Variants in TECRL observed in about 807,000 individuals in gnomAD.
TECRL encodes the protein trans-2,3-enoyl-CoA reductase like.
A neutral mutation model predicts 52.8 loss-of-function variants in TECRL; 63 were observed. The observed-to-expected ratio is 1.19, with a 90% CI of 0.97 to 1.47. The LOEUF (loss-of-function observed/expected upper bound fraction) is 1.47, where lower values mean the gene tolerates loss of function less well. Ranked by LOEUF, TECRL falls within the 40% of genes most tolerant of loss-of-function variation. The pLI is 0.00. For missense variants in TECRL, 482 were observed against 429.6 expected, an observed-to-expected ratio of 1.12 and a Z score of -1.08; for synonymous variants, 164 against 141.9, an observed-to-expected ratio of 1.16 and a Z score of -1.10.
chr4:64,405,054 A>G (rs1724614313), intron 1 of TECRL, among the ~76,000 whole-genome samples: 1 of 152,156 alleles, frequency 6.6e-6, no homozygotes. Flanking sequence ...TACTAAGGGT[A>G]GGCCAAATAA....
intron 1 of TECRL, among the ~76,000 whole-genome samples, chr4:64,384,240 GTATTCAGCTGGT>G (rs1723017982): frequency 6.6e-6 from 1 of 152,082 alleles, no homozygotes; most frequent in South Asian, 2.1e-4. Context: ...TACAGTGACA[GTATTCAGCTGGT>G]TAGGCAGGTG....
intron 8 of TECRL, among the ~76,000 whole-genome samples, chr4:64,292,353 A>G: frequency 6.6e-6 from 1 of 151,996 alleles, no homozygotes; most frequent in Middle Eastern, 3.2e-3. Flanking sequence ...AAAAGTTAAA[A>G]TTATCTTACA....
chr4:64,366,208 T>C (rs940249685), intron 2 of TECRL, among the ~76,000 whole-genome samples: 5 of 152,136 alleles, frequency 3.3e-5, no homozygotes, highest in Non-Finnish European at 5.9e-5. Context: ...CTGGGCATCC[T>C]TCTTGCACTA....
chr4:64,295,364 AT>A (rs1723620743), intron 8 of TECRL, among the ~76,000 whole-genome samples: 1 of 27,724 alleles, frequency 3.6e-5, no homozygotes, highest in South Asian at 2.4e-3. Context: ...AAATTTTGAT[AT>A]AGGAGATGTT....
chr4:64,397,898 A>ATGTGTGTGTGTGTGTGTG (rs56714682), intron 1 of TECRL: 10 of 150,192 alleles, frequency 6.7e-5, no homozygotes, highest in African/African-American at 1.9e-4. Context: ...GGAAAGAAAT[A>ATGTGTGTGTGTGTGTGTG]TGTGTGTGTG....
At chr4:64,299,711 G>A (rs1029482151) in intron 8 of TECRL, among the ~76,000 whole-genome samples, 5 of 150,844 alleles carry the variant, frequency 3.3e-5, no homozygotes, top group Admixed American at 6.6e-5. Flanking sequence ...TAGCATCAGT[G>A]AGTATAAATT....
At chr4:64,310,039 AC>A in intron 5 of TECRL, 108 bp from the exon 6 acceptor site, 1 of 594,176 alleles carries the variant, frequency 1.7e-6, no homozygotes, top group Non-Finnish European at 2.9e-6. Context: ...CTATTGGGAA[AC>A]ATTGTTTCTG....
In TECRL at chr4:64,324,012, T is replaced by G. The variant is rs548865757; in HGVS notation, c.332-1220A>C. 4.1e-4 allele frequency among the ~76,000 whole-genome samples: 63 copies of G among 152,240 alleles called. 1 individual carries two copies. The South Asian group carries it at 0.012, about 28-fold the overall frequency. On this transcript the variant is annotated intron_variant, in intron 3 of 11. Transcript: ENST00000381210. ...CCGTGGGGCTTCATGAGATTGTTTG[T>G]GTATTCAGCATGGAAAGAAAGGAAT...
intron 1 of TECRL, among the ~76,000 whole-genome samples, chr4:64,387,599 C>T (rs941998290): frequency 6.6e-6 from 1 of 152,032 alleles, no homozygotes; most frequent in Non-Finnish European, 1.5e-5. Flanking sequence ...TTTGGTTTTT[C>T]TATAAGGTTC....
chr4:64,328,435 A>G (rs1358546305), intron 3 of TECRL, 77 bp downstream of exon 3: 5 of 1,245,366 alleles, frequency 4.0e-6, no homozygotes, highest in Non-Finnish European at 5.8e-6. Flanking sequence ...TTGCAAAGTG[A>G]TAAGTGAATG....
Position 64,346,787 on chromosome 4 carries a change from G to T in TECRL, c.287-18231C>A, listed in dbSNP as rs1720020002. Among the ~76,000 whole-genome samples the T allele has an allele frequency of 2.0e-5, 3 of 152,324 alleles. No homozygotes were observed. In the East Asian group the frequency reaches 5.8e-4, roughly 29 times the overall value. On this transcript the variant is annotated intron_variant, in intron 2 of 11. Transcript: ENST00000381210. ...GTGTGGCTTTCCCTGAACATGAGTGGCCTGGTACTGCAGCACTGGACTGCA... is the reference window on the plus strand; with the variant it reads ...GTGTGGCTTTCCCTGAACATGAGTGTCCTGGTACTGCAGCACTGGACTGCA...
chr4:64,329,497 C>T (rs1007086637), intron 2 of TECRL, among the ~76,000 whole-genome samples: 3 of 151,532 alleles, frequency 2.0e-5, no homozygotes, highest in East Asian at 1.9e-4. Flanking sequence ...AGAGGAAGTT[C>T]GGATGAAAAA....
chr4:64,303,517 A>G (rs1724140040), intron 7 of TECRL, among the ~76,000 whole-genome samples: 1 of 151,738 alleles, frequency 6.6e-6, no homozygotes, highest in Non-Finnish European at 1.5e-5. Context: ...TATCTATGCT[A>G]TAGATTATTT....
In TECRL at chr4:64,375,167, C is replaced by T. The variant is rs1404459111; in HGVS notation, c.286+5G>A. Reference sequence around the variant, plus strand: ...TGTAAATTCTAAATAATATATAAAACTTACATGCTTTGTGAAACTTTTGCT... The same window carrying T: ...TGTAAATTCTAAATAATATATAAAATTTACATGCTTTGTGAAACTTTTGCT... On this transcript the variant is annotated splice_donor_5th_base_variant and intron_variant, in intron 2 of 11. Coordinates refer to ENST00000381210, the MANE Select transcript of TECRL (RefSeq NM_001010874.5). 3.7e-6 allele frequency: 5 copies of T among 1,336,542 alleles called. No homozygotes were observed. The highest frequency in any genetic ancestry group is 5.0e-6 in the Non-Finnish European group (5 of 1,005,428). The allele number at this position is 1,336,542 out of a possible 1,614,324, so 82.8% of individuals were successfully genotyped here. A position where few individuals can be genotyped will look rare whatever the true frequency, so the allele number is the denominator to read the frequency against.
intron 4 of TECRL, among the ~76,000 whole-genome samples, chr4:64,319,091 A>G (rs1012956545): frequency 6.6e-6 from 1 of 151,906 alleles, no homozygotes; most frequent in Admixed American, 6.6e-5. Flanking sequence ...TTAGCATTTA[A>G]TATCTCAAGG....
chr4:64,285,431 G>C (rs1156429326), intron 9 of TECRL, among the ~76,000 whole-genome samples: 1 of 151,920 alleles, frequency 6.6e-6, no homozygotes, highest in Non-Finnish European at 1.5e-5. Flanking sequence ...TGCCACCTGA[G>C]AACATGACTC....
intron 7 of TECRL, among the ~76,000 whole-genome samples, chr4:64,302,208 A>C (rs920519390): frequency 2.0e-5 from 3 of 151,444 alleles, no homozygotes; most frequent in Non-Finnish European, 4.4e-5. Context: ...ATGTGATGGA[A>C]ATATGTATAC....
intron 3 of TECRL, among the ~76,000 whole-genome samples, chr4:64,325,853 G>A (rs1023658417): frequency 1.2e-4 from 19 of 152,016 alleles, no homozygotes; most frequent in African/African-American, 4.1e-4. Flanking sequence ...ATGAATATGA[G>A]ATTTTGAAAA....
intron 7 of TECRL, chr4:64,304,916 T>C (rs1724238284): frequency 3.5e-6 from 1 of 285,266 alleles, no homozygotes; most frequent in African/African-American, 2.2e-5. Context: ...TTTTTCATTT[T>C]ATTAGCTGTT....
Sources: allele counts gnomAD v4.1 joint callset (sites outside exome capture counted in the v4.1 genomes callset), GRCh38; gene constraint gnomAD v4.1.1; transcripts MANE v1.5; gene names NCBI Gene and HGNC (gene_info 2026-07-23, HGNC 2026-07-21).